Variants in ZC3H3 observed in about 807,000 individuals in gnomAD.
The protein encoded by ZC3H3 is zinc finger CCCH-type containing 3.
Under a neutral mutation model 77.3 loss-of-function variants are expected in ZC3H3, and 36 were observed. The observed-to-expected ratio is 0.47, with a 90% CI of 0.36 to 0.61. The LOEUF is 0.61. Ranked by LOEUF, ZC3H3 falls within the 20% of genes least tolerant of loss-of-function variation. ZC3H3 has a pLI of 0.00. For missense variants in ZC3H3, 1,331 were observed against 1,312.2 expected, an observed-to-expected ratio of 1.01 and a Z score of -0.22; for synonymous variants, 626 against 555.2, an observed-to-expected ratio of 1.13 and a Z score of -1.79.
At chr8:143,521,662 G>A (rs991841518) in intron 3 of ZC3H3, among the ~76,000 whole-genome samples, 70 of 152,152 alleles carry the variant, frequency 4.6e-4, no homozygotes, top group African/African-American at 1.6e-3. Flanking sequence ...TCCCCGCACC[G>A]CCTTACTTCA....
At chr8:143,500,399 G>A (rs1400390408) in intron 4 of ZC3H3, among the ~76,000 whole-genome samples, 2 of 152,236 alleles carry the variant, frequency 1.3e-5, no homozygotes, top group Non-Finnish European at 2.9e-5. Context: ...ATGCCAGCCT[G>A]TAACAGGGTC....
intron 3 of ZC3H3, among the ~76,000 whole-genome samples, chr8:143,521,170 T>C (rs1822230567): frequency 6.6e-6 from 1 of 151,908 alleles, no homozygotes; most frequent in South Asian, 2.1e-4. Context: ...GCCTGGCTCC[T>C]CCCAAGAGGC....
intron 5 of ZC3H3, among the ~76,000 whole-genome samples, chr8:143,471,737 G>A (rs1211084460): frequency 6.6e-6 from 1 of 152,196 alleles, no homozygotes; most frequent in African/African-American, 2.4e-5. Flanking sequence ...GAGCCCAGGG[G>A]GTCAGCCAGG....
At chr8:143,438,821 G>A (rs374314529) in intron 11 of ZC3H3, among the ~76,000 whole-genome samples, 1 of 152,196 alleles carries the variant, frequency 6.6e-6, no homozygotes, top group Non-Finnish European at 1.5e-5. Context: ...CGATGAGCCC[G>A]CTCACCCATG....
rs548745590 is a variant in ZC3H3 at position 143,456,713 on chromosome 8, T to G, written c.2307+9004A>C. Among the ~76,000 whole-genome samples, 5 of 152,040 alleles carry G rather than the reference T, an allele frequency of 3.3e-5. No homozygotes were observed. In the South Asian group the frequency reaches 1.0e-3, roughly 32 times the overall value. ...AGACCCTATCTCTACAAAAAAAATTTTAAAAGTAGCCAGACATGGTGGTGC... is the reference window on the plus strand; with the variant it reads ...AGACCCTATCTCTACAAAAAAAATTGTAAAAGTAGCCAGACATGGTGGTGC... On this transcript the variant is annotated intron_variant, in intron 9 of 11. Coordinates refer to ENST00000262577, the MANE Select transcript of ZC3H3 (RefSeq NM_015117.3).
chr8:143,463,047 A>T (rs1445688417), intron 9 of ZC3H3, among the ~76,000 whole-genome samples: 17 of 149,578 alleles, frequency 1.1e-4, no homozygotes, highest in Non-Finnish European at 2.1e-4. Context: ...GCAGTGGCGC[A>T]ATCTCAGCTC....
chr8:143,497,047 G>A (rs1821371734), intron 4 of ZC3H3, among the ~76,000 whole-genome samples: 1 of 152,244 alleles, frequency 6.6e-6, no homozygotes, highest in Admixed American at 6.5e-5. Context: ...TATAAAGGGA[G>A]AGAAAGCAAT....
intron 3 of ZC3H3, among the ~76,000 whole-genome samples, chr8:143,532,213 A>G (rs1263528132): frequency 1.1e-4 from 13 of 116,776 alleles, no homozygotes; most frequent in Admixed American, 3.9e-4. Context: ...TCTTTCACAT[A>G]AAAAGGAAAT....
rs1257231738 is a variant in ZC3H3, at chr8:143,538,062, C to T, written c.1305G>A (p.Pro435=). The T allele has an allele frequency of 4.3e-6, 7 of 1,612,480 alleles. No homozygotes were observed. Among genetic ancestry groups the T allele is most frequent in the East Asian group, 2.2e-5 (1 of 44,896 alleles). ...GGCTCTTCACTTTGTAAGCCGAGAGCGGGGTCTCCCCAGAGAGGGGCTTCA... is the reference window on the plus strand; with the variant it reads ...GGCTCTTCACTTTGTAAGCCGAGAGTGGGGTCTCCCCAGAGAGGGGCTTCA... ...SGLKPLSGET[P]LSAYKVKSRT... is the part of the protein sequence containing the mutation. Residue 435 remains proline, a synonymous_variant, in exon 2 of 12, where the codon CCG becomes CCA. Transcript: ENST00000262577.
chr8:143,442,026 G>A (rs992734298), intron 9 of ZC3H3, among the ~76,000 whole-genome samples: 6 of 152,104 alleles, frequency 3.9e-5, no homozygotes, highest in African/African-American at 1.2e-4. Context: ...CTTCCAGCTC[G>A]TGGGGTGCCA....
Position 143,530,400 on chromosome 8 carries a change from G to A in ZC3H3, c.1561+5857C>T, listed in dbSNP as rs1011758096. 2.0e-5 allele frequency among the ~76,000 whole-genome samples: 3 copies of A among 152,122 alleles called. No individual in the cohort carries two copies. The highest frequency in any genetic ancestry group is 6.5e-5 in the Admixed American group (1 of 15,274). On this transcript the variant is annotated intron_variant, in intron 3 of 11. Transcript: ENST00000262577. This position sits in a 1 kb window ranked among gnomAD's most constrained non-coding sequence, Gnocchi z 4.3. ...GGGCCCTCCCACTCCAGCAGATGACGACACCACTGCCTACCCACCTACCAT... is the reference window on the plus strand; with the variant it reads ...GGGCCCTCCCACTCCAGCAGATGACAACACCACTGCCTACCCACCTACCAT...
intron 9 of ZC3H3, among the ~76,000 whole-genome samples, chr8:143,447,256 C>G (rs979408800): frequency 6.6e-6 from 1 of 152,222 alleles, no homozygotes; most frequent in East Asian, 1.9e-4. Flanking sequence ...TGTGACGCAC[C>G]CTTTGTCCCC....
chr8:143,510,162 G>A lies in ZC3H3; in HGVS notation c.1562-2263C>T, dbSNP rs186845324. On this transcript the variant is annotated intron_variant, in intron 3 of 11. Transcript: ENST00000262577. ...CAAGTGTCACTCCTGAAAACCACAC[G>A]GTAATAACGCAGCGCCAGCCTCTTG... Among the ~76,000 whole-genome samples, 50 of 151,926 alleles carry A rather than the reference G, an allele frequency of 3.3e-4. No individual in the cohort carries two copies. In the East Asian group the frequency reaches 8.1e-3, roughly 25 times the overall value.
At chr8:143,456,722 G>T (rs2129834613) in intron 9 of ZC3H3, among the ~76,000 whole-genome samples, 1 of 152,202 alleles carries the variant, frequency 6.6e-6, no homozygotes, top group South Asian at 2.1e-4. Context: ...TTTAAAAGTA[G>T]CCAGACATGG....
At chr8:143,459,318 C>T (rs1275146519) in intron 9 of ZC3H3, among the ~76,000 whole-genome samples, 8 of 152,302 alleles carry the variant, frequency 5.3e-5, no homozygotes, top group African/African-American at 1.7e-4. Context: ...GAGGCCAAGG[C>T]GGGCTGATCA....
chr8:143,524,060 G>A lies in ZC3H3; in HGVS notation c.1561+12197C>T, dbSNP rs191403054. 6.9e-3 allele frequency among the ~76,000 whole-genome samples: 1,045 copies of A among 152,360 alleles called. 14 individuals carry two copies. The highest frequency in any genetic ancestry group is 0.021 in the African/African-American group (889 of 41,580). On this transcript the variant is annotated intron_variant, in intron 3 of 11. Coordinates refer to ENST00000262577, the MANE Select transcript of ZC3H3 (RefSeq NM_015117.3). ...GAAGTCCGTGTTCCCAGGTGGCCCC[G>A]TCTCTCCCGGGCAGCCTCCCCAGCC...
rs775529815 is a variant in ZC3H3, at chr8:143,541,426, C to A, written c.-5G>T. The stretch of plus-strand genomic sequence containing the variant: ...TAATATCTCCTTTTCCTCCATCTCC[C>A]GAGTCCGCGACGGCCGGCCAGGCCC... On this transcript the variant is annotated 5_prime_UTR_variant, in exon 1 of 12. Transcript: ENST00000262577. The A allele has an allele frequency of 7.0e-5, 113 of 1,611,618 alleles. No individual in the cohort carries two copies. In the Admixed American group the frequency reaches 1.2e-3, roughly 17 times the overall value.
chr8:143,457,820 T>C (rs1020884191), intron 9 of ZC3H3, among the ~76,000 whole-genome samples: 2 of 151,994 alleles, frequency 1.3e-5, no homozygotes, highest in Admixed American at 6.6e-5. Flanking sequence ...TGAGCTATGA[T>C]TGCACCACTG....
At chr8:143,535,746 G>A (rs373742090) in intron 3 of ZC3H3, among the ~76,000 whole-genome samples, 6 of 152,224 alleles carry the variant, frequency 3.9e-5, no homozygotes, top group South Asian at 4.1e-4. Context: ...CTCTCCAGGC[G>A]TGACTGGGCA....
Sources: gnomAD v4.1 joint callset for allele counts (sites outside exome capture counted in the v4.1 genomes callset) on GRCh38, gnomAD v4.1.1 for gene constraint, Gnocchi (gnomAD v3.1) non-coding constraint, MANE v1.5 for transcripts, NCBI Gene and HGNC (gene_info 2026-07-23, HGNC 2026-07-21) for gene names.